The following MICAL2 variants were observed in gnomAD, a reference collection of about 807,000 sequenced individuals.
MICAL2 encodes [F-actin]-monooxygenase MICAL2.
In MICAL2, 77 loss-of-function variants were observed where a neutral mutation model predicts 127.3. The observed-to-expected ratio is 0.60, with a 90% CI of 0.50 to 0.73. The LOEUF is 0.73. Ranked by LOEUF, MICAL2 falls within the 30% of genes least tolerant of loss-of-function variation. The probability of loss-of-function intolerance (pLI) is 0.00; values close to 1 mark genes in which losing one functional copy is unlikely to be tolerated. For missense variants in MICAL2, 1,351 were observed against 1,434.4 expected (o/e 0.94, Z 0.94); for synonymous variants, 570 against 551.1 (o/e 1.03, Z -0.48).
chr11:12,316,817 G>A (rs963216626), intron 29 of MICAL2, among the ~76,000 whole-genome samples: 2 of 152,142 alleles, frequency 1.3e-5, no homozygotes, highest in Admixed American at 1.3e-4. Context: ...AGGGTAACTT[G>A]CAGATCACTT....
chr11:12,326,451 G>A (rs1322716959), intron 31 of MICAL2, among the ~76,000 whole-genome samples: 1 of 152,160 alleles, frequency 6.6e-6, no homozygotes, highest in Non-Finnish European at 1.5e-5. Context: ...TGCAAATAAA[G>A]TCATGACCCC....
intron 30 of MICAL2, among the ~76,000 whole-genome samples, chr11:12,321,153 G>A (rs1263346452): frequency 6.6e-6 from 1 of 152,124 alleles, no homozygotes; most frequent in East Asian, 1.9e-4. Context: ...TTCTCCTGCT[G>A]GCCCAGAACA....
At chr11:12,127,421 C>T (rs1851031337) in intron 1 of MICAL2, among the ~76,000 whole-genome samples, 2 of 152,320 alleles carry the variant, frequency 1.3e-5, no homozygotes, top group Non-Finnish European at 2.9e-5. Context: ...TTGCCACATT[C>T]CCAGAAGGGG....
rs759914846 is a variant in MICAL2 at position 12,224,574 on chromosome 11, G to T, written c.1541-99G>T. The T allele has an allele frequency of 2.0e-6, 3 of 1,508,902 alleles. No individual in the cohort carries two copies. In the African/African-American group the frequency reaches 4.1e-5, roughly 21 times the overall value. The allele number at this position is 1,508,902 out of a possible 1,614,324, so 93.5% of individuals were successfully genotyped here. A position where few individuals can be genotyped will look rare whatever the true frequency, so the allele number is the denominator to read the frequency against. ...CTGGCCCCTTGCCTTGGGGCCGCTC[G>T]TCCTGGTCCCCAGCCATGGTGGCAA... On this transcript the variant is annotated intron_variant, in intron 12 of 27. Transcript: ENST00000683283.
intron 15 of MICAL2, among the ~76,000 whole-genome samples, chr11:12,228,895 G>C (rs1857835398): frequency 6.6e-6 from 1 of 152,186 alleles, no homozygotes; most frequent in South Asian, 2.1e-4. Flanking sequence ...AATAGGACCA[G>C]AGTGAAGCCA....
chr11:12,245,137 G>T (rs1394183581), intron 21 of MICAL2, among the ~76,000 whole-genome samples: 1 of 152,154 alleles, frequency 6.6e-6, no homozygotes, highest in Admixed American at 6.5e-5. Flanking sequence ...GGGAAGGCTG[G>T]CCTCTGGAAT....
At chr11:12,340,123 T>A (rs1385369680) in intron 32 of MICAL2, among the ~76,000 whole-genome samples, 1 of 152,188 alleles carries the variant, frequency 6.6e-6, no homozygotes, top group East Asian at 1.9e-4. Context: ...AACCCTCAGA[T>A]ACAGACGGTC....
chr11:12,191,171 A>G (rs1859049102), intron 3 of MICAL2, among the ~76,000 whole-genome samples: 1 of 152,230 alleles, frequency 6.6e-6, no homozygotes, highest in African/African-American at 2.4e-5. Flanking sequence ...CTATTTAACA[A>G]ATAAAAAAGA....
chr11:12,204,198 G>A (rs1489272057), intron 3 of MICAL2, 52 bp from the exon 4 acceptor site: 1 of 1,559,028 alleles, frequency 6.4e-7, no homozygotes, highest in East Asian at 2.2e-5. Flanking sequence ...GGGGGTTCGT[G>A]TCTGTGATGC....
At position 12,327,255 on chromosome 11, in the gene MICAL2, G is replaced by C. The variant is rs1042108919; in HGVS notation, c.5504G>C (p.Arg1835Pro). 48 of 1,550,224 alleles carry C rather than the reference G, an allele frequency of 3.1e-5. No individual in the cohort carries two copies. The highest frequency in any genetic ancestry group is 4.0e-5 in the Non-Finnish European group (46 of 1,146,820). ...GGTGTGAGGCTGGAGAAGGCGTTGC[G>C]AGGAGAAGCAGGTACGGCATCCCAG... is the stretch of plus-strand genomic sequence containing the variant. Residue 1835 changes from arginine (R) to proline (P), a missense_variant, in exon 32 of 35, where the codon CGA becomes CCA. By Grantham distance (103) the Arg-to-Pro change is moderately radical. Coordinates refer to the MICAL2 transcript ENST00000646065.
intron 32 of MICAL2, among the ~76,000 whole-genome samples, chr11:12,348,463 A>G (rs1157856903): frequency 1.3e-5 from 2 of 152,196 alleles, no homozygotes; most frequent in South Asian, 2.1e-4. Context: ...GGATTTTGAT[A>G]TCCAAGAGGG....
chr11:12,265,650 C>T (rs1486311562), downstream of MICAL2, among the ~76,000 whole-genome samples: 30 of 152,268 alleles, frequency 2.0e-4, no homozygotes, highest in Non-Finnish European at 4.4e-5. Flanking sequence ...GGGCACCTCT[C>T]ATAGTGTAGA....
intron 29 of MICAL2, among the ~76,000 whole-genome samples, chr11:12,303,313 C>G (rs1474104929): frequency 6.6e-6 from 1 of 152,200 alleles, no homozygotes; most frequent in Admixed American, 6.5e-5. Context: ...CGCTTACCTT[C>G]TAGAACTGTG....
chr11:12,253,689 A>C (rs2134622549), intron 22 of MICAL2: 1 of 152,344 alleles, frequency 6.6e-6, no homozygotes, highest in East Asian at 1.9e-4. Flanking sequence ...GGTTTATTAT[A>C]CAGGATCTTA....
chr11:12,213,173 G>A, intron 6 of MICAL2, 82 bp from the exon 7 acceptor site: 1 of 1,463,622 alleles, frequency 6.8e-7, no homozygotes, highest in Non-Finnish European at 9.2e-7. Context: ...GAGGCATCTG[G>A]GAACAGCTCT....
intron 29 of MICAL2, among the ~76,000 whole-genome samples, chr11:12,314,912 T>C (rs992677277): frequency 6.6e-6 from 1 of 152,196 alleles, no homozygotes; most frequent in Non-Finnish European, 1.5e-5. Context: ...TGAATGTGCA[T>C]GGATTCATGC....
intron 8 of MICAL2, among the ~76,000 whole-genome samples, chr11:12,216,845 C>A (rs142432929): frequency 3.9e-5 from 6 of 152,254 alleles, no homozygotes; most frequent in African/African-American, 1.4e-4. Flanking sequence ...TTCTTATCTA[C>A]AAAATAGGAA....
chr11:12,286,952 G>A, intron 2 of MICAL2: 1 of 394,584 alleles, frequency 2.5e-6, no homozygotes, highest in Non-Finnish European at 4.5e-6. Context: ...GGGAAGGAGA[G>A]AGTTCAGTCT....
intron 3 of MICAL2, among the ~76,000 whole-genome samples, chr11:12,178,944 C>T (rs1857137431): frequency 6.6e-6 from 1 of 152,124 alleles, no homozygotes; most frequent in South Asian, 2.1e-4. Flanking sequence ...GCTCTTCGCC[C>T]CCACTGTCCC....
Sources: gnomAD v4.1 joint callset for allele counts (sites outside exome capture counted in the v4.1 genomes callset) on GRCh38, gnomAD v4.1.1 for gene constraint, MANE v1.5 for transcripts, NCBI Gene and HGNC (gene_info 2026-07-23, HGNC 2026-07-21) for gene names.